The following KIF3B variants were observed in gnomAD, a reference collection of about 807,000 sequenced individuals.
KIF3B encodes the protein kinesin family member 3B, also known as kinesin-like protein KIF3B.
In KIF3B, 38 loss-of-function variants were observed where a neutral mutation model predicts 74.3. That is an observed-to-expected ratio of 0.51 (90% CI 0.39 to 0.67). The LOEUF (loss-of-function observed/expected upper bound fraction) is 0.67, where lower values mean the gene tolerates loss of function less well. KIF3B is among the 30% of genes least tolerant of loss of function. The pLI is 0.00. For missense variants in KIF3B, 649 were observed against 932.0 expected (o/e 0.70, Z 3.95); for synonymous variants, 326 against 342.5 (o/e 0.95, Z 0.53).
At chr20:32,303,970 G>A (rs2047756959) in intron 1 of KIF3B, among the ~76,000 whole-genome samples, 1 of 152,052 alleles carries the variant, frequency 6.6e-6, no homozygotes, top group Non-Finnish European at 1.5e-5. Context: ...GGTTTTGGAT[G>A]AATCTGTATT....
chr20:32,316,686 G>A (rs772318900), intron 4 of KIF3B, 37 bp downstream of exon 4: 1 of 1,614,020 alleles, frequency 6.2e-7, no homozygotes. Flanking sequence ...GTTGCCTTGA[G>A]ACTTGGGGAA....
chr20:32,295,737 C>G (rs762784300), intron 1 of KIF3B, among the ~76,000 whole-genome samples: 1 of 151,986 alleles, frequency 6.6e-6, no homozygotes, highest in Non-Finnish European at 1.5e-5. Context: ...AATTCTAGTG[C>G]TGTGGACCTA....
At chr20:32,306,442 A>C (rs978579015) in intron 1 of KIF3B, among the ~76,000 whole-genome samples, 1 of 152,156 alleles carries the variant, frequency 6.6e-6, no homozygotes, top group Non-Finnish European at 1.5e-5. Flanking sequence ...TATGTAATGC[A>C]TTATACCACA....
chr20:32,287,872 CTTTTTTTTTTTTTTTT>C (rs10699896), intron 1 of KIF3B, among the ~76,000 whole-genome samples: 2 of 47,494 alleles, frequency 4.2e-5, no homozygotes, highest in African/African-American at 1.7e-4. Flanking sequence ...CTAAAAGTAT[CTTTTTTTTTTTTTTTT>C]TTTTTTTTTT....
intron 1 of KIF3B, among the ~76,000 whole-genome samples, chr20:32,294,421 G>T (rs765288249): frequency 1.2e-4 from 18 of 152,054 alleles, no homozygotes; most frequent in South Asian, 4.1e-4. Context: ...TTTCTCCAAA[G>T]AAAACATTGC....
intron 5 of KIF3B, among the ~76,000 whole-genome samples, chr20:32,321,311 C>T (rs530782459): frequency 6.6e-6 from 1 of 151,878 alleles, no homozygotes; most frequent in Non-Finnish European, 1.5e-5. Flanking sequence ...CACCTGTAGT[C>T]CCAGCTACTC....
At chr20:32,314,410 T>C (rs1219594789) in intron 2 of KIF3B, among the ~76,000 whole-genome samples, 2 of 152,034 alleles carry the variant, frequency 1.3e-5, no homozygotes, top group African/African-American at 4.8e-5. Context: ...TGTGGTGGCA[T>C]GCACCTGTAG....
chr20:32,283,527 T>A (rs2122653269), intron 1 of KIF3B, among the ~76,000 whole-genome samples: 1 of 141,208 alleles, frequency 7.1e-6, no homozygotes, highest in Middle Eastern at 4.7e-3. Flanking sequence ...ATTCTGTAGA[T>A]GGCTAGGCAT....
At chr20:32,296,025 C>T (rs764026821) in intron 1 of KIF3B, among the ~76,000 whole-genome samples, 10 of 151,462 alleles carry the variant, frequency 6.6e-5, no homozygotes, top group Non-Finnish European at 1.3e-4. Flanking sequence ...CCACCACGCC[C>T]GGCTAAGTTT....
chr20:32,323,274 C>T (rs1328587398), intron 5 of KIF3B, among the ~76,000 whole-genome samples: 3 of 146,422 alleles, frequency 2.0e-5, no homozygotes, highest in Non-Finnish European at 4.5e-5. Context: ...TTTCTAGTAC[C>T]CAATCCACAT....
At chr20:32,311,895 C>T (rs1191075403) in intron 2 of KIF3B, among the ~76,000 whole-genome samples, 6 of 150,654 alleles carry the variant, frequency 4.0e-5, no homozygotes, top group African/African-American at 9.8e-5. Context: ...GTCTGCCATC[C>T]GGGTTCAAGT....
At chr20:32,291,394 C>T (rs1240170003) in intron 1 of KIF3B, among the ~76,000 whole-genome samples, 1 of 152,008 alleles carries the variant, frequency 6.6e-6, no homozygotes, top group Admixed American at 6.6e-5. Context: ...TACCCACCTC[C>T]AGCAGTTCTC....
chr20:32,324,989 C>T (rs1385680148), intron 5 of KIF3B, among the ~76,000 whole-genome samples: 1 of 152,066 alleles, frequency 6.6e-6, no homozygotes, highest in Non-Finnish European at 1.5e-5. Context: ...TGAGATTGCG[C>T]CACTTTACTC....
chr20:32,321,442 A>G (rs1401867218), intron 5 of KIF3B, among the ~76,000 whole-genome samples: 1 of 151,820 alleles, frequency 6.6e-6, no homozygotes, highest in Non-Finnish European at 1.5e-5. Flanking sequence ...AAAAAAAAAA[A>G]GAAAGTCAGT....
rs1356845732 is a variant in KIF3B at position 32,331,211 on chromosome 20, TG to T, written c.2148-11del. ...GGGACATGTAATATAAACATGTGTT[TG>T]ACTTTTGCAGGCCTAAAAGTGGAAG... On this transcript the variant is annotated splice_polypyrimidine_tract_variant and intron_variant, in intron 8 of 8. Transcript: ENST00000375712. The T allele has an allele frequency of 1.2e-6, 2 of 1,602,122 alleles. No homozygotes were observed. Among genetic ancestry groups the T allele is most frequent in the African/African-American group, 2.7e-5 (2 of 74,774 alleles).
At chr20:32,291,620 T>C (rs2047691784) in intron 1 of KIF3B, among the ~76,000 whole-genome samples, 1 of 148,790 alleles carries the variant, frequency 6.7e-6, no homozygotes, top group Non-Finnish European at 1.5e-5. Flanking sequence ...CTTATACATT[T>C]TTTTTTTTTT....
chr20:32,280,806 AT>A (rs1470311766), intron 1 of KIF3B, among the ~76,000 whole-genome samples: 4 of 151,726 alleles, frequency 2.6e-5, no homozygotes, highest in Non-Finnish European at 5.9e-5. Flanking sequence ...TTCAGTAAAT[AT>A]TTGCTAAATC....
rs2047789936 is a variant in KIF3B at position 32,309,715 on chromosome 20, C to T, written c.-63C>T. ...ATTTACTTTTGCTTTTTCTCTAGGACCGTAGCATCCTGAGACATTTTGAAT... is the reference window on the plus strand; with the variant it reads ...ATTTACTTTTGCTTTTTCTCTAGGATCGTAGCATCCTGAGACATTTTGAAT... On this transcript the variant is annotated splice_region_variant and 5_prime_UTR_variant, in exon 2 of 9. Transcript: ENST00000375712. The T allele has an allele frequency of 1.3e-6, 2 of 1,550,348 alleles. No homozygotes were observed. Among genetic ancestry groups the T allele is most frequent in the African/African-American group, 2.7e-5 (2 of 73,048 alleles).
intron 1 of KIF3B, among the ~76,000 whole-genome samples, chr20:32,309,049 C>T (rs1187840447): frequency 6.6e-6 from 1 of 151,994 alleles, no homozygotes; most frequent in Non-Finnish European, 1.5e-5. Flanking sequence ...TAGAGTCTCA[C>T]TCTGTCATCC....
Sources: allele counts gnomAD v4.1 joint callset (sites outside exome capture counted in the v4.1 genomes callset), GRCh38; gene constraint gnomAD v4.1.1; transcripts MANE v1.5; gene names NCBI Gene and HGNC (gene_info 2026-07-23, HGNC 2026-07-21).